Variants in RGS22 observed in about 807,000 individuals in gnomAD.
RGS22 encodes regulator of G-protein signaling 22.
RGS22 carries 148 observed loss-of-function variants against 172.9 expected under a neutral mutation model. The ratio of observed to expected loss-of-function variants is 0.86; its 90% CI spans 0.75 to 0.98. RGS22 has a LOEUF of 0.98. Ranked by LOEUF, RGS22 falls within the 50% of genes least tolerant of loss-of-function variation. The probability of loss-of-function intolerance (pLI) is 0.00; values close to 1 mark genes in which losing one functional copy is unlikely to be tolerated. For synonymous variants in RGS22, 458 were observed against 480.2 expected (o/e 0.95, Z 0.60); for missense variants, 1,347 against 1,440.8 (o/e 0.93, Z 1.05).
In RGS22 at chr8:99,962,703, A is replaced by G; in HGVS notation, c.3774T>C (p.Ser1258=). The G allele has an allele frequency of 3.1e-6, 5 of 1,609,732 alleles. No homozygotes were observed. Among genetic ancestry groups the G allele is most frequent in the Non-Finnish European group, 4.2e-6 (5 of 1,178,856 alleles). The change falls in exon 26 of 28, where the codon TCT becomes TCC. Residue 1258 remains serine (S), a synonymous_variant. Transcript: ENST00000360863. ...SSTMSLKKNM[S]AHSSQK ...GAAACTCACTCTGGCTGCTGTGGGC[A>G]GACATATTCTTTTTCAAAGACATAG...
intron 9 of RGS22, among the ~76,000 whole-genome samples, chr8:100,058,245 C>T (rs1230658101): frequency 1.3e-5 from 2 of 150,758 alleles, no homozygotes; most frequent in African/African-American, 2.4e-5. Flanking sequence ...AGTTATTGGC[C>T]TTAAAGAGGA....
At chr8:100,035,447 G>C (rs1270011528) in intron 14 of RGS22, among the ~76,000 whole-genome samples, 1 of 152,158 alleles carries the variant, frequency 6.6e-6, no homozygotes, top group Non-Finnish European at 1.5e-5. Context: ...TCATTAAAAA[G>C]CCAGGGGAAA....
chr8:99,961,660 T>C (rs1810209582), intron 27 of RGS22, among the ~76,000 whole-genome samples: 1 of 152,140 alleles, frequency 6.6e-6, no homozygotes, highest in Admixed American at 6.5e-5. Context: ...AACGGACTAA[T>C]ACAGTTGTCA....
At chr8:100,028,597 T>G (rs3133687) in intron 14 of RGS22, among the ~76,000 whole-genome samples, 95,097 of 151,990 alleles carry the variant, frequency 0.63, 30,001 homozygotes, top group African/African-American at 0.69. Context: ...TTTATACTTG[T>G]CTAATTTCTC....
intron 4 of RGS22, among the ~76,000 whole-genome samples, chr8:100,076,213 A>G (rs766878877): frequency 6.6e-5 from 10 of 151,980 alleles, no homozygotes; most frequent in Non-Finnish European, 1.3e-4. Context: ...AGAGCGTGAA[A>G]GTTTTGCATT....
At chr8:100,074,756 T>G (rs949806290) in intron 4 of RGS22, among the ~76,000 whole-genome samples, 1 of 151,592 alleles carries the variant, frequency 6.6e-6, no homozygotes, top group Non-Finnish European at 1.5e-5. Flanking sequence ...TTTGTTTTTT[T>G]TTTGTTTTTT....
At chr8:99,985,915 T>TA (rs912588116) in intron 21 of RGS22, among the ~76,000 whole-genome samples, 3 of 152,246 alleles carry the variant, frequency 2.0e-5, no homozygotes, top group South Asian at 2.1e-4. Context: ...CCACCCATGA[T>TA]AAAAAAATTA....
chr8:100,013,598 G>C (rs977835402), intron 14 of RGS22, among the ~76,000 whole-genome samples: 5 of 152,008 alleles, frequency 3.3e-5, no homozygotes, highest in African/African-American at 4.8e-5. Flanking sequence ...ATTGCCTTGG[G>C]CTTTTTACCT....
intron 23 of RGS22, among the ~76,000 whole-genome samples, chr8:99,972,435 A>T (rs1811462788): frequency 6.6e-6 from 1 of 152,228 alleles, no homozygotes; most frequent in African/African-American, 2.4e-5. Context: ...TCTGCACAGC[A>T]AAAGAAACTA....
At chr8:99,997,854 C>T (rs552202117) in intron 19 of RGS22, among the ~76,000 whole-genome samples, 2 of 152,184 alleles carry the variant, frequency 1.3e-5, no homozygotes, top group African/African-American at 4.8e-5. Context: ...ACTCCCCAAA[C>T]CCATTCCCAG....
intron 4 of RGS22, among the ~76,000 whole-genome samples, chr8:100,076,216 T>C (rs1811336753): frequency 6.6e-6 from 1 of 152,200 alleles, no homozygotes; most frequent in African/African-American, 2.4e-5. Flanking sequence ...GCGTGAAAGT[T>C]TTGCATTTTG....
At chr8:100,017,369 C>T (rs1817107401) in intron 14 of RGS22, among the ~76,000 whole-genome samples, 1 of 152,182 alleles carries the variant, frequency 6.6e-6, no homozygotes, top group Admixed American at 6.5e-5. Flanking sequence ...ACATTACACA[C>T]ATTTGTTGTC....
chr8:100,079,596 A>C (rs992901139), intron 4 of RGS22, among the ~76,000 whole-genome samples: 1 of 152,212 alleles, frequency 6.6e-6, no homozygotes, highest in African/African-American at 2.4e-5. Flanking sequence ...CATTTGACAG[A>C]TGATGAAAAT....
chr8:100,040,547 T>C (rs2131599914), intron 12 of RGS22, among the ~76,000 whole-genome samples: 2 of 152,312 alleles, frequency 1.3e-5, no homozygotes, highest in African/African-American at 4.8e-5. Context: ...GGGGTCCCTC[T>C]TGGACAGTCT....
intron 14 of RGS22, chr8:100,038,474 C>T (rs1460932): frequency 0.58 from 88,326 of 152,806 alleles, 25,726 homozygotes; most frequent in Admixed American, 0.64. Context: ...CATAGTCAGT[C>T]AACATCTTTT....
At chr8:99,965,844 CT>C (rs1588862018) in intron 23 of RGS22, among the ~76,000 whole-genome samples, 1 of 151,988 alleles carries the variant, frequency 6.6e-6, no homozygotes, top group South Asian at 2.1e-4. Flanking sequence ...TTAAATCTGC[CT>C]TTTCATGTAG....
At position 99,996,530 on chromosome 8, in the gene RGS22, C is replaced by G; in HGVS notation, c.2950G>C (p.Val984Leu). 1 of 1,611,654 alleles carries G rather than the reference C, an allele frequency of 6.2e-7. No homozygotes were observed. The highest frequency in any genetic ancestry group is 8.5e-7 in the Non-Finnish European group (1 of 1,178,694). The stretch of plus-strand genomic sequence containing the variant: ...TCTTCTGCTATGTCTTTCATCTGTA[C>G]CTGAAAGCAAAACCAATTATTTTAT... ...EQFAARQKIKVQMKDIAEELL... is the reference protein window; with the variant it reads ...EQFAARQKIKLQMKDIAEELL... The change falls in exon 20 of 28, where the codon GTA becomes CTA. Residue 984 changes from valine to leucine, a missense_variant and splice_region_variant. Physicochemically the swap from Val to Leu is conservative, Grantham distance 32. Coordinates refer to ENST00000360863, the MANE Select transcript of RGS22 (RefSeq NM_015668.5).
chr8:100,034,324 GACAA>G (rs1285051492), intron 14 of RGS22, among the ~76,000 whole-genome samples: 4 of 152,194 alleles, frequency 2.6e-5, no homozygotes, highest in Admixed American at 1.3e-4. Context: ...ACCAACAACA[GACAA>G]ACAGAGAGCC....
Position 99,967,336 on chromosome 8 carries a change from T to TG in RGS22, c.3520-1907_3520-1906insC, listed in dbSNP as rs563548234. ...ACCGAGCTAGCTCCGGGAGTTTGTTTTTTTTTTTTGTACCCCAGTGGAGCC... is the reference window on the plus strand; with the variant it reads ...ACCGAGCTAGCTCCGGGAGTTTGTTTGTTTTTTTTTGTACCCCAGTGGAGCC... On this transcript the variant is annotated intron_variant, in intron 23 of 27. Coordinates refer to ENST00000360863, the MANE Select transcript of RGS22 (RefSeq NM_015668.5). 3.7e-3 allele frequency among the ~76,000 whole-genome samples: 569 copies of TG among 151,864 alleles called. 4 individuals are homozygous for TG. Among genetic ancestry groups the TG allele is most frequent in the African/African-American group, 0.013 (545 of 41,452 alleles).
Sources: allele counts gnomAD v4.1 joint callset (sites outside exome capture counted in the v4.1 genomes callset), GRCh38; gene constraint gnomAD v4.1.1; transcripts MANE v1.5; gene names NCBI Gene and HGNC (gene_info 2026-07-23, HGNC 2026-07-21).